The following SYT16 variants were observed in gnomAD, a reference collection of about 807,000 sequenced individuals.
The protein encoded by SYT16 is synaptotagmin 16, also known as synaptotagmin-16.
SYT16 carries 42 observed loss-of-function variants against 61.4 expected under a neutral mutation model. The ratio of observed to expected loss-of-function variants is 0.68; its 90% confidence interval spans 0.53 to 0.89. SYT16 has a LOEUF of 0.89. Among genes scored for constraint, SYT16 ranks in the 40% least tolerant of loss-of-function variants. SYT16 has a pLI of 0.00. For missense variants in SYT16, 804 were observed against 807.3 expected (o/e 1.00, Z 0.05); for synonymous variants, 314 against 302.3 (o/e 1.04, Z -0.40).
intron 3 of SYT16, 55 bp downstream of exon 3, chr14:61,996,597 A>G (rs1029374869): frequency 1.3e-6 from 2 of 1,518,818 alleles, no homozygotes; most frequent in South Asian, 1.3e-5. Flanking sequence ...ATTTCTACTT[A>G]TTTTATTTTG....
intron 1 of SYT16, among the ~76,000 whole-genome samples, chr14:61,903,583 T>C (rs550435867): frequency 6.6e-6 from 1 of 152,390 alleles, no homozygotes; most frequent in East Asian, 1.9e-4. Context: ...TTTGGTTGAC[T>C]AATATATCCT....
chr14:61,968,351 T>G (rs2051403969), intron 1 of SYT16, among the ~76,000 whole-genome samples: 2 of 152,020 alleles, frequency 1.3e-5, no homozygotes, highest in African/African-American at 2.4e-5. Context: ...GAGGAGCATG[T>G]GGTGGTGAGG....
intron 1 of SYT16, among the ~76,000 whole-genome samples, chr14:61,949,963 C>T (rs1268786556): frequency 1.3e-5 from 2 of 152,154 alleles, no homozygotes; most frequent in South Asian, 2.1e-4. Context: ...ACCTTCTGTG[C>T]CTCAGAGTCC....
At chr14:61,903,020 A>G (rs1284025155) in intron 1 of SYT16, among the ~76,000 whole-genome samples, 2 of 152,194 alleles carry the variant, frequency 1.3e-5, no homozygotes, top group African/African-American at 2.4e-5. Flanking sequence ...TTTTTTACCA[A>G]CAATATTTGG....
At chr14:61,906,787 G>GTCCGTCCGTCCATCCA (rs375002498) in intron 1 of SYT16, among the ~76,000 whole-genome samples, 8 of 142,432 alleles carry the variant, frequency 5.6e-5, no homozygotes, top group Admixed American at 2.8e-4. Flanking sequence ...CCGTCCGTCC[G>GTCCGTCCGTCCATCCA]TCCATCCATC....
intron 1 of SYT16, among the ~76,000 whole-genome samples, chr14:61,815,218 TCTC>T: frequency 6.6e-6 from 1 of 152,284 alleles, no homozygotes; most frequent in South Asian, 2.1e-4. Flanking sequence ...CCTCTGTCCT[TCTC>T]CTTACCTCTG....
At chr14:62,015,688 G>A (rs561365654) in intron 3 of SYT16, among the ~76,000 whole-genome samples, 5 of 152,224 alleles carry the variant, frequency 3.3e-5, no homozygotes, top group Non-Finnish European at 7.4e-5. Flanking sequence ...CCCAGAAGCC[G>A]CCTTGCCTCC....
chr14:61,935,334 T>G (rs1384573197), intron 1 of SYT16, among the ~76,000 whole-genome samples: 1 of 152,210 alleles, frequency 6.6e-6, no homozygotes, highest in African/African-American at 2.4e-5. Flanking sequence ...TCTGGCCCTT[T>G]TCATGTCTTA....
At chr14:61,959,243 C>T (rs1218046029) in intron 1 of SYT16, among the ~76,000 whole-genome samples, 1 of 152,040 alleles carries the variant, frequency 6.6e-6, no homozygotes, top group Non-Finnish European at 1.5e-5. Flanking sequence ...ACATTTAGTT[C>T]ACTTATGTTT....
At chr14:61,814,220 G>A (rs970543794) in intron 1 of SYT16, among the ~76,000 whole-genome samples, 11 of 152,074 alleles carry the variant, frequency 7.2e-5, no homozygotes, top group African/African-American at 1.2e-4. Context: ...GCTAATTTGG[G>A]CCAAATTTCC....
At chr14:61,834,015 T>C (rs897016724) in intron 1 of SYT16, among the ~76,000 whole-genome samples, 1 of 151,650 alleles carries the variant, frequency 6.6e-6, no homozygotes, top group Non-Finnish European at 1.5e-5. Flanking sequence ...GGGAGATACT[T>C]GTTCTTTGGA....
intron 3 of SYT16, among the ~76,000 whole-genome samples, chr14:62,005,303 T>C (rs2053176898): frequency 6.6e-6 from 1 of 152,122 alleles, no homozygotes; most frequent in South Asian, 2.1e-4. Context: ...GAGACTTTTG[T>C]TTTGGTCGGT....
At chr14:61,932,755 C>A (rs943131799) in intron 1 of SYT16, among the ~76,000 whole-genome samples, 2 of 152,166 alleles carry the variant, frequency 1.3e-5, no homozygotes. Flanking sequence ...CCTTCCCCAT[C>A]TTTGCTTCAG....
intron 1 of SYT16, among the ~76,000 whole-genome samples, chr14:61,955,462 G>A (rs80007942): frequency 0.046 from 6,985 of 151,892 alleles, 546 homozygotes; most frequent in African/African-American, 0.16. Context: ...TGCTCCAGCC[G>A]CTGGCAACTA....
chr14:61,978,808 T>G (rs574862713), intron 2 of SYT16, among the ~76,000 whole-genome samples: 104 of 152,272 alleles, frequency 6.8e-4, no homozygotes, highest in African/African-American at 2.5e-3. Context: ...GCAAACAAGG[T>G]TTTTCCTTCA....
chr14:61,828,717 C>G (rs993038640), intron 1 of SYT16, among the ~76,000 whole-genome samples: 1 of 152,210 alleles, frequency 6.6e-6, no homozygotes, highest in African/African-American at 2.4e-5. Context: ...TGGATCCTAT[C>G]TGATACCATA....
chr14:61,998,292 A>G (rs1189933555), intron 3 of SYT16, among the ~76,000 whole-genome samples: 5 of 151,972 alleles, frequency 3.3e-5, no homozygotes, highest in African/African-American at 1.2e-4. Flanking sequence ...AGCCACCACA[A>G]CCAAAGTATA....
chr14:61,880,489 G>C (rs951291997), intron 1 of SYT16, among the ~76,000 whole-genome samples: 1 of 151,968 alleles, frequency 6.6e-6, no homozygotes, highest in Non-Finnish European at 1.5e-5. Flanking sequence ...GAATTAGTTC[G>C]TAAAGTTCCA....
intron 1 of SYT16, chr14:61,865,098 A>C (rs778773866): frequency 7.4e-7 from 1 of 1,353,716 alleles, no homozygotes; most frequent in African/African-American, 1.4e-5. Context: ...ACTGTGACTC[A>C]TCTGCTGGAC....
Sources: allele counts gnomAD v4.1 joint callset (sites outside exome capture counted in the v4.1 genomes callset), GRCh38; gene constraint gnomAD v4.1.1; transcripts MANE v1.5; gene names NCBI Gene and HGNC (gene_info 2026-07-23, HGNC 2026-07-21).